The following LYPD6 variants were observed in gnomAD, a reference collection of about 807,000 sequenced individuals.
LYPD6 encodes the protein LY6/PLAUR domain containing 6.
LYPD6 carries 15 observed loss-of-function variants against 22.7 expected under a neutral mutation model. The ratio of observed to expected loss-of-function variants is 0.66; its 90% CI spans 0.44 to 1.02. The LOEUF (loss-of-function observed/expected upper bound fraction) is 1.02. LYPD6 is among the 50% of genes least tolerant of loss of function. The probability of loss-of-function intolerance (pLI) is 0.00; values close to 1 mark genes in which losing one functional copy is unlikely to be tolerated. For synonymous variants in LYPD6, 72 were observed against 77.5 expected (o/e 0.93, Z 0.37); for missense variants, 189 against 208.4 (o/e 0.91, Z 0.57).
chr2:149,433,355 A>T (rs1364204656), intron 1 of LYPD6, among the ~76,000 whole-genome samples: 4 of 152,228 alleles, frequency 2.6e-5, no homozygotes, highest in Non-Finnish European at 5.9e-5. Context: ...CTGATCCACC[A>T]TCCTGTGCAC....
At chr2:149,403,099 A>G (rs1682600716) in intron 1 of LYPD6, among the ~76,000 whole-genome samples, 3 of 152,132 alleles carry the variant, frequency 2.0e-5, no homozygotes, top group Admixed American at 1.3e-4. Flanking sequence ...CACGGTGTAT[A>G]TGTGCCACAT....
rs957730511 is a variant in LYPD6, at chr2:149,353,806, C to T, written c.-72+23084C>T. Among the ~76,000 whole-genome samples the T allele has an allele frequency of 2.6e-5, 4 of 152,020 alleles. No individual in the cohort carries two copies. In the East Asian group the frequency reaches 7.7e-4, roughly 29 times the overall value. ...ATTCCACCTTGAAACCTTTTTAAGG[C>T]TCTTTTCTCTGACTCTCCAGCTTGT... On this transcript the variant is annotated intron_variant, in intron 1 of 4. Coordinates refer to ENST00000334166, the MANE Select transcript of LYPD6 (RefSeq NM_194317.5).
chr2:149,449,715 G>T (rs1683766835), intron 3 of LYPD6, among the ~76,000 whole-genome samples: 1 of 152,134 alleles, frequency 6.6e-6, no homozygotes, highest in Non-Finnish European at 1.5e-5. Context: ...TTATATTCAT[G>T]TCTCTTTTAT....
chr2:149,427,994 T>C (rs1683222463), intron 1 of LYPD6, among the ~76,000 whole-genome samples: 1 of 152,244 alleles, frequency 6.6e-6, no homozygotes, highest in Non-Finnish European at 1.5e-5. Context: ...AGAAATGAAC[T>C]TTTTTAAAAA....
chr2:149,422,370 T>C (rs1683099498), intron 1 of LYPD6, among the ~76,000 whole-genome samples: 1 of 152,124 alleles, frequency 6.6e-6, no homozygotes, highest in African/African-American at 2.4e-5. Context: ...CACACTGCTT[T>C]CGATGCATTA....
chr2:149,388,180 CT>C (rs907698162), intron 1 of LYPD6, among the ~76,000 whole-genome samples: 439 of 42,934 alleles, frequency 0.01, 2 homozygotes, highest in East Asian at 0.047. Context: ...CTCTCTCTCT[CT>C]TTTTTTTTTT....
intron 1 of LYPD6, among the ~76,000 whole-genome samples, chr2:149,356,085 CT>C (rs75939577): frequency 0.034 from 4,842 of 143,822 alleles, 119 homozygotes; most frequent in African/African-American, 0.074. Context: ...TCTTTTCCCA[CT>C]TTTTTTTTTT....
At chr2:149,382,144 C>A (rs1368289593) in intron 1 of LYPD6, among the ~76,000 whole-genome samples, 1 of 152,066 alleles carries the variant, frequency 6.6e-6, no homozygotes, top group African/African-American at 2.4e-5. Context: ...AAAACATAAC[C>A]TTGTTAATGG....
intron 1 of LYPD6, among the ~76,000 whole-genome samples, chr2:149,412,640 C>T (rs892462649): frequency 1.3e-5 from 2 of 152,118 alleles, no homozygotes; most frequent in African/African-American, 4.8e-5. Context: ...CTTTCTCACA[C>T]CAGCAGTGTC....
At chr2:149,430,615 A>T (rs1559149861) in intron 1 of LYPD6, among the ~76,000 whole-genome samples, 1 of 152,218 alleles carries the variant, frequency 6.6e-6, no homozygotes, top group Non-Finnish European at 1.5e-5. Flanking sequence ...AGGCTTCAGA[A>T]TTCCATTCTG....
the LYPD6 span, among the ~76,000 whole-genome samples, chr2:149,483,786 A>C: frequency 1.0e-3 from 155 of 152,276 alleles, no homozygotes; most frequent in African/African-American, 3.5e-3. Context: ...AATAGAATTA[A>C]ATTTAGAAAT....
chr2:149,361,091 T>C (rs1681563657), intron 1 of LYPD6, among the ~76,000 whole-genome samples: 1 of 152,194 alleles, frequency 6.6e-6, no homozygotes, highest in African/African-American at 2.4e-5. Context: ...ATTTCAAATA[T>C]ACATGGGAGA....
chr2:149,485,017 CCA>C, the LYPD6 span, among the ~76,000 whole-genome samples: 1 of 152,144 alleles, frequency 6.6e-6, no homozygotes, highest in African/African-American at 2.4e-5. Flanking sequence ...TGATATCCAG[CCA>C]CAGTGTTTTG....
chr2:149,416,767 A>G (rs964690643), intron 1 of LYPD6, among the ~76,000 whole-genome samples: 4 of 152,208 alleles, frequency 2.6e-5, no homozygotes, highest in African/African-American at 9.7e-5. Context: ...ACTCTGATGC[A>G]GTGCGTATGC....
intron 1 of LYPD6, among the ~76,000 whole-genome samples, chr2:149,432,933 A>G (rs1456134126): frequency 6.6e-6 from 1 of 152,224 alleles, no homozygotes; most frequent in African/African-American, 2.4e-5. Context: ...TCATTCTTTG[A>G]AAAATGTTAT....
rs2105121203 is a variant in LYPD6 at position 149,410,229 on chromosome 2, T to G, written c.-71-27409T>G. On this transcript the variant is annotated intron_variant, in intron 1 of 4. Coordinates refer to ENST00000334166, the MANE Select transcript of LYPD6 (RefSeq NM_194317.5). ...TATAAAAATTCCTTTTTTATTTTTC[T>G]CTTTTTTGAGTATAATGCATACGTT... 1.3e-5 allele frequency among the ~76,000 whole-genome samples: 2 copies of G among 152,346 alleles called. 1 individual carries two copies. Among genetic ancestry groups the G allele is most frequent in the South Asian group, 4.1e-4 (2 of 4,824 alleles).
rs530425333 is a variant in LYPD6 at position 149,344,559 on chromosome 2, T to C, written c.-72+13837T>C. On this transcript the variant is annotated intron_variant, in intron 1 of 4. Transcript: ENST00000334166. Reference sequence around the variant, plus strand: ...TAATCATAGAGCTGTAACATAAAGATGAAAAGATGAATACTGAATATATAG... The same window carrying C: ...TAATCATAGAGCTGTAACATAAAGACGAAAAGATGAATACTGAATATATAG... Among the ~76,000 whole-genome samples, 9 of 152,334 alleles carry C rather than the reference T, an allele frequency of 5.9e-5. No individual in the cohort carries two copies. The East Asian group carries it at 1.5e-3, about 26-fold the overall frequency.
chr2:149,440,984 C>G (rs555036371), intron 2 of LYPD6, among the ~76,000 whole-genome samples: 2 of 152,026 alleles, frequency 1.3e-5, no homozygotes, highest in African/African-American at 4.8e-5. Flanking sequence ...GGATTACAGG[C>G]GTGAGCCACC....
chr2:149,346,847 A>T (rs576292472), intron 1 of LYPD6, among the ~76,000 whole-genome samples: 2 of 152,130 alleles, frequency 1.3e-5, no homozygotes, highest in East Asian at 3.9e-4. Flanking sequence ...ACTACAGGCA[A>T]GTGCCACCAC....
Sources: allele counts gnomAD v4.1 joint callset (sites outside exome capture counted in the v4.1 genomes callset), GRCh38; gene constraint gnomAD v4.1.1; transcripts MANE v1.5; gene names NCBI Gene and HGNC (gene_info 2026-07-23, HGNC 2026-07-21).